Variants in CFDP1 observed in about 807,000 individuals in gnomAD.
CFDP1 encodes the protein heterochromatin-stabilizing protein CFDP1.
A neutral mutation model predicts 40.1 loss-of-function variants in CFDP1; 31 were observed. That is an observed-to-expected ratio of 0.77 (90% CI 0.58 to 1.04). CFDP1 has a LOEUF of 1.04. Ranked by LOEUF, CFDP1 falls within the 50% of genes least tolerant of loss-of-function variation. The pLI is 0.00. For missense variants in CFDP1, 423 were observed against 343.4 expected (o/e 1.23, Z -1.83); for synonymous variants, 167 against 120.0 (o/e 1.39, Z -2.56).
intron 5 of CFDP1, among the ~76,000 whole-genome samples, chr16:75,334,680 T>C (rs2151516977): frequency 6.6e-6 from 1 of 152,092 alleles, no homozygotes; most frequent in Non-Finnish European, 1.5e-5. Flanking sequence ...AGAAGCCAGG[T>C]GCAGTGGCTC....
intron 5 of CFDP1, among the ~76,000 whole-genome samples, chr16:75,338,421 G>A (rs188089813): frequency 6.6e-6 from 1 of 152,246 alleles, no homozygotes; most frequent in South Asian, 2.1e-4. Context: ...GTTGGAGAGG[G>A]GTCCATTCAG....
In CFDP1 at chr16:75,433,227, C is replaced by T. The variant is rs2079447091; in HGVS notation, c.64+62G>A. 1.0e-5 allele frequency: 15 copies of T among 1,488,388 alleles called. No homozygotes were observed. The South Asian group carries it at 1.7e-4, about 16-fold the overall frequency. The allele number at this position is 1,488,388 out of a possible 1,614,324, so 92.2% of individuals were successfully genotyped here. On this transcript the variant is annotated intron_variant, in intron 1 of 6. Coordinates refer to ENST00000283882, the MANE Select transcript of CFDP1 (RefSeq NM_006324.3). ...AGGGCAGACGCCCGCGGGGGCAGAG[C>T]GCGCCTCACGTGAGGCGTGGGGCGG...
chr16:75,426,567 T>C (rs1200514579), intron 1 of CFDP1, among the ~76,000 whole-genome samples: 1 of 151,978 alleles, frequency 6.6e-6, no homozygotes, highest in Non-Finnish European at 1.5e-5. Flanking sequence ...TCCCAGTTAC[T>C]ACAGAGGCTG....
chr16:75,369,671 CAG>C (rs758804531), intron 5 of CFDP1, among the ~76,000 whole-genome samples: 4 of 152,208 alleles, frequency 2.6e-5, no homozygotes, highest in Non-Finnish European at 5.9e-5. Flanking sequence ...CTCTAGTGCT[CAG>C]AGTCTCAACA....
chr16:75,353,267 A>G (rs2078624888), intron 5 of CFDP1, among the ~76,000 whole-genome samples: 3 of 152,248 alleles, frequency 2.0e-5, no homozygotes, highest in Non-Finnish European at 4.4e-5. Flanking sequence ...GTATTTGGTA[A>G]TATCATGAAG....
chr16:75,398,197 C>G (rs1382250316), intron 4 of CFDP1, among the ~76,000 whole-genome samples: 2 of 152,222 alleles, frequency 1.3e-5, no homozygotes, highest in African/African-American at 4.8e-5. Flanking sequence ...CACAGCACTA[C>G]TGTAGCAAGA....
chr16:75,390,883 G>A (rs2078943443), intron 5 of CFDP1, among the ~76,000 whole-genome samples: 1 of 152,206 alleles, frequency 6.6e-6, no homozygotes, highest in Non-Finnish European at 1.5e-5. Flanking sequence ...ACCAGCCCCA[G>A]GGAGGCCACA....
rs376519344 is a variant in CFDP1, at chr16:75,309,429, G to C, written c.651-4247C>G. 1.3e-4 allele frequency among the ~76,000 whole-genome samples: 20 copies of C among 152,076 alleles called. No individual in the cohort carries two copies. In the East Asian group the frequency reaches 3.3e-3, roughly 25 times the overall value. On this transcript the variant is annotated intron_variant, in intron 5 of 6. Coordinates refer to ENST00000283882, the MANE Select transcript of CFDP1 (RefSeq NM_006324.3). Reference sequence around the variant, plus strand: ...CCTCCGAGAACTATGGCTAGCAGGGGACAAATCAGCACTGGCTCTCCAGGC... The same window carrying C: ...CCTCCGAGAACTATGGCTAGCAGGGCACAAATCAGCACTGGCTCTCCAGGC...
At position 75,412,435 on chromosome 16, in the gene CFDP1, T is replaced by C. The variant is rs144346572; in HGVS notation, c.402+100A>G. ...ATGCTTTGCTTTTCACTTAGTACAA[T>C]TGTTATCAAAAGGCATCTGGTCGAT... On this transcript the variant is annotated intron_variant, in intron 3 of 6. Transcript: ENST00000283882. 648 of 884,106 alleles carry C rather than the reference T, an allele frequency of 7.3e-4. 5 individuals are homozygous for C. The African/African-American group carries it at 8.1e-3, about 11-fold the overall frequency. 54.8% of individuals were successfully genotyped at this position (884,106 alleles called of 1,614,324 possible).
intron 1 of CFDP1, chr16:75,419,116 T>C: frequency 2.7e-6 from 1 of 369,926 alleles, no homozygotes; most frequent in Non-Finnish European, 5.5e-6. Context: ...AAAAAATAAA[T>C]AATAATAAAA....
intron 5 of CFDP1, among the ~76,000 whole-genome samples, chr16:75,308,187 A>C (rs1479323495): frequency 6.6e-6 from 1 of 152,208 alleles, no homozygotes; most frequent in Non-Finnish European, 1.5e-5. Flanking sequence ...CTGAAGGAAC[A>C]CAAAAGCTGG....
In CFDP1 at chr16:75,305,046, T is replaced by A. The variant is rs751354280; in HGVS notation, c.787A>T (p.Ile263Phe). 6.2e-7 allele frequency: 1 copy of A among 1,614,010 alleles called. No homozygotes were observed. The highest frequency in any genetic ancestry group is 1.3e-5 in the African/African-American group (1 of 74,932). Residue 263 changes from isoleucine to phenylalanine, a missense_variant, in exon 6 of 7, where the codon ATC (isoleucine) becomes TTC (phenylalanine). Coordinates refer to ENST00000283882, the MANE Select transcript of CFDP1 (RefSeq NM_006324.3). ...EEEGIGEELAIHNRGKEGYIE... is the reference protein window; with the variant it reads ...EEEGIGEELAFHNRGKEGYIE... The stretch of plus-strand genomic sequence containing the variant: ...TACCCCTCTTTCCCTCGATTATGGA[T>A]GGCCAGTTCTTCACCAATCCCCTCT...
chr16:75,333,160 G>A (rs1424298408), intron 5 of CFDP1, among the ~76,000 whole-genome samples: 1 of 124,156 alleles, frequency 8.1e-6, no homozygotes, highest in African/African-American at 3.1e-5. Flanking sequence ...GTCTCGCTCT[G>A]TCGCCCAGGC....
chr16:75,305,301 G>T (rs2078249555), intron 5 of CFDP1, 119 bp from the exon 6 acceptor site: 1 of 988,332 alleles, frequency 1.0e-6, no homozygotes, highest in Non-Finnish European at 1.5e-6. Flanking sequence ...TGGAAGCCAT[G>T]TTCATATTTG....
At chr16:75,308,946 T>C (rs1442689274) in intron 5 of CFDP1, among the ~76,000 whole-genome samples, 5 of 152,260 alleles carry the variant, frequency 3.3e-5, no homozygotes, top group African/African-American at 1.2e-4. Context: ...TGTGCTATTA[T>C]GCTTTTGGGG....
At chr16:75,318,278 A>G (rs2078337850) in intron 5 of CFDP1, among the ~76,000 whole-genome samples, 1 of 152,134 alleles carries the variant, frequency 6.6e-6, no homozygotes, top group Admixed American at 6.5e-5. Flanking sequence ...CAGGGACAAC[A>G]TGGCCAGGCA....
chr16:75,399,656 C>A (rs2079031046), intron 4 of CFDP1, among the ~76,000 whole-genome samples: 1 of 151,842 alleles, frequency 6.6e-6, no homozygotes, highest in African/African-American at 2.4e-5. Flanking sequence ...GGATTACAGG[C>A]ATGAGCCACT....
intron 1 of CFDP1, among the ~76,000 whole-genome samples, chr16:75,432,359 G>A (rs749302058): frequency 8.5e-6 from 1 of 117,042 alleles, no homozygotes; most frequent in Admixed American, 9.9e-5. Context: ...AACATAGCAA[G>A]ATGCCATTTC....
intron 5 of CFDP1, chr16:75,362,881 G>A (rs1430648810): frequency 6.6e-6 from 1 of 152,170 alleles, no homozygotes; most frequent in Non-Finnish European, 1.5e-5. Flanking sequence ...AGACCTCAAT[G>A]GCTGCAGCAG....
Sources: allele counts gnomAD v4.1 joint callset (sites outside exome capture counted in the v4.1 genomes callset), GRCh38; gene constraint gnomAD v4.1.1; transcripts MANE v1.5; gene names NCBI Gene and HGNC (gene_info 2026-07-23, HGNC 2026-07-21).